The following SLC6A15 variants were observed in gnomAD, a reference collection of about 807,000 sequenced individuals.
SLC6A15 encodes solute carrier family 6 member 15.
Under a neutral mutation model 68.5 loss-of-function variants are expected in SLC6A15, and 33 were observed. The observed-to-expected ratio is 0.48, with a 90% CI of 0.37 to 0.64. SLC6A15 has a LOEUF of 0.64. SLC6A15 is among the 30% of genes least tolerant of loss of function. The pLI, the probability that SLC6A15 is intolerant of heterozygous loss-of-function variation, is 0.00. For missense variants in SLC6A15, 747 were observed against 874.3 expected (o/e 0.85, Z 1.84); for synonymous variants, 347 against 301.0 (o/e 1.15, Z -1.58).
chr12:84,876,675 T>C, intron 5 of SLC6A15, 68 bp from the exon 6 acceptor site: 1 of 674,328 alleles, frequency 1.5e-6, no homozygotes, highest in Non-Finnish European at 2.5e-6. Flanking sequence ...AGATTTTATA[T>C]GTTAGTTTCT....
intron 9 of SLC6A15, chr12:84,867,734 A>G (rs547831433): frequency 2.6e-5 from 4 of 152,322 alleles, no homozygotes; most frequent in Admixed American, 2.6e-4. Context: ...AACCTCAGCA[A>G]CAATCCACAT....
Position 84,891,929 on chromosome 12 carries a change from C to T in SLC6A15, c.192G>A (p.Trp64Ter). Residue 64 changes from tryptophan to a stop codon, truncating the protein, a stop_gained, in exon 2 of 12, where the codon TGG becomes TGA. Transcript: ENST00000266682. LOFTEE classifies it high-confidence loss of function. ...GSEVEDERPA[W>*]NSKLQYILAQ... ...CCAGGATGTATTGTAGTTTACTGTT[C>T]CAAGCTGGTCTTTCATCTTCGACTT... 1 of 1,613,992 alleles carries T rather than the reference C, an allele frequency of 6.2e-7. No homozygotes were observed. Among genetic ancestry groups the T allele is most frequent in the Non-Finnish European group, 8.5e-7 (1 of 1,179,982 alleles).
chr12:84,867,592 T>C (rs1871115611), intron 9 of SLC6A15: 1 of 152,578 alleles, frequency 6.6e-6, no homozygotes, highest in Non-Finnish European at 1.5e-5. Flanking sequence ...TCTACAGTGT[T>C]GAAATATAGA....
In SLC6A15 at chr12:84,870,584, A is replaced by G; in HGVS notation, c.1389T>C (p.Phe463=). Reference sequence around the variant, plus strand: ...GGCCTAGATTGACCAGCATGAGGAAAAACATCACTGACCAGAAGGGAGATG... The same window carrying G: ...GGCCTAGATTGACCAGCATGAGGAAGAACATCACTGACCAGAAGGGAGATG... ...FPASPFWSVM[F]FLMLVNLGLG... The change falls in exon 9 of 12, where the codon TTT becomes TTC. Residue 463 remains phenylalanine (F), a synonymous_variant. Transcript: ENST00000266682. 1 of 1,612,994 alleles carries G rather than the reference A, an allele frequency of 6.2e-7. No homozygotes were observed.
intron 2 of SLC6A15, among the ~76,000 whole-genome samples, chr12:84,889,332 T>C (rs149317512): frequency 0.041 from 6,145 of 151,460 alleles, 396 homozygotes; most frequent in African/African-American, 0.14. Flanking sequence ...CTACCAAAAA[T>C]ACAAAAAATT....
chr12:84,864,326 T>C (rs1472286575), intron 10 of SLC6A15, among the ~76,000 whole-genome samples: 2 of 148,874 alleles, frequency 1.3e-5, no homozygotes, highest in Admixed American at 6.7e-5. Flanking sequence ...CTTTCTTTTT[T>C]TTTTTTTTTT....
intron 7 of SLC6A15, 26 bp downstream of exon 7, chr12:84,873,061 A>G: frequency 6.2e-7 from 1 of 1,600,264 alleles, no homozygotes; most frequent in Non-Finnish European, 8.5e-7. Context: ...CTAAGAAAAA[A>G]GGCAAATGGA....
At chr12:84,911,897 A>T (rs530839726) in intron 1 of SLC6A15, 1 of 152,262 alleles carries the variant, frequency 6.6e-6, no homozygotes, top group Non-Finnish European at 1.5e-5. Flanking sequence ...TGCCTTTCGT[A>T]CGGCGAAAGG....
chr12:84,899,234 A>C (rs1265937902), intron 1 of SLC6A15, among the ~76,000 whole-genome samples: 2 of 152,198 alleles, frequency 1.3e-5, no homozygotes, highest in Non-Finnish European at 2.9e-5. Flanking sequence ...TCTCAAACCT[A>C]AGTCCATACT....
rs1164215490 is a variant in SLC6A15 at position 84,860,883 on chromosome 12, T to C, written c.*749A>G. The C allele has an allele frequency of 6.6e-6, 1 of 152,040 alleles. No individual in the cohort carries two copies. The allele number at this position is 152,040 out of a possible 1,614,324, so 9.4% of individuals were successfully genotyped here. A position where few individuals can be genotyped will look rare whatever the true frequency, so the allele number is the denominator to read the frequency against. ...GAAACCACAATAAATATCAAGTAGG[T>C]TTTTAGGCACACGGCATAAGAAAAA... On this transcript the variant is annotated 3_prime_UTR_variant, in exon 12 of 12. Transcript: ENST00000266682.
chr12:84,865,916 T>C (rs1329717999), intron 10 of SLC6A15, among the ~76,000 whole-genome samples: 3 of 152,164 alleles, frequency 2.0e-5, no homozygotes, highest in East Asian at 3.9e-4. Context: ...GAATTTTAAG[T>C]GGGCATAAGT....
At chr12:84,889,601 C>T (rs1872297105) in intron 2 of SLC6A15, among the ~76,000 whole-genome samples, 1 of 152,094 alleles carries the variant, frequency 6.6e-6, no homozygotes, top group African/African-American at 2.4e-5. Flanking sequence ...TGAAAGACTA[C>T]GATTTAATAA....
intron 2 of SLC6A15, among the ~76,000 whole-genome samples, chr12:84,886,796 A>G (rs561267369): frequency 2.6e-5 from 4 of 152,272 alleles, no homozygotes; most frequent in African/African-American, 7.2e-5. Context: ...ATATTTTAAA[A>G]AGTATTTTTT....
intron 10 of SLC6A15, among the ~76,000 whole-genome samples, chr12:84,863,820 A>G (rs1379736121): frequency 6.6e-6 from 1 of 151,862 alleles, no homozygotes; most frequent in Non-Finnish European, 1.5e-5. Flanking sequence ...CCAATTACTG[A>G]TTTCTCCTTC....
At chr12:84,864,160 G>A (rs1870969750) in intron 10 of SLC6A15, among the ~76,000 whole-genome samples, 1 of 150,656 alleles carries the variant, frequency 6.6e-6, no homozygotes. Flanking sequence ...TAATATCACA[G>A]CATTAAAAGC....
chr12:84,866,222 T>C (rs1397207710), intron 10 of SLC6A15, among the ~76,000 whole-genome samples: 1 of 152,170 alleles, frequency 6.6e-6, no homozygotes, highest in Non-Finnish European at 1.5e-5. Flanking sequence ...TCTCAGTCCA[T>C]GTATGTGATT....
chr12:84,873,942 GAT>G (rs1190721837), intron 6 of SLC6A15, among the ~76,000 whole-genome samples: 1 of 152,174 alleles, frequency 6.6e-6, no homozygotes, highest in Non-Finnish European at 1.5e-5. Flanking sequence ...ACATTGAACA[GAT>G]ATTAAATATT....
chr12:84,904,732 G>A (rs189354872), intron 1 of SLC6A15, among the ~76,000 whole-genome samples: 11 of 152,218 alleles, frequency 7.2e-5, no homozygotes, highest in Admixed American at 5.2e-4. Flanking sequence ...CTTGGATATC[G>A]TAAGTGAAAC....
chr12:84,885,658 C>T, intron 3 of SLC6A15, 97 bp from the exon 4 acceptor site: 1 of 1,291,764 alleles, frequency 7.7e-7, no homozygotes, highest in Non-Finnish European at 1.1e-6. Context: ...TTTTAAAATC[C>T]TCTTCATTTT....
Sources: gnomAD v4.1 joint callset for allele counts (sites outside exome capture counted in the v4.1 genomes callset) on GRCh38, gnomAD v4.1.1 for gene constraint, MANE v1.5 for transcripts, NCBI Gene and HGNC (gene_info 2026-07-23, HGNC 2026-07-21) for gene names.